Variants in CAMK2D observed in about 807,000 individuals in gnomAD.
The protein encoded by CAMK2D is calcium/calmodulin-dependent protein kinase type II subunit delta.
A neutral mutation model predicts 84.0 loss-of-function variants in CAMK2D; 37 were observed. That is an observed-to-expected ratio of 0.44 (90% CI 0.34 to 0.58). The LOEUF is 0.58. Among genes scored for constraint, CAMK2D ranks in the 20% least tolerant of loss-of-function variants. The pLI is 0.02. For synonymous variants in CAMK2D, 202 were observed against 212.5 expected (o/e 0.95, Z 0.43); for missense variants, 448 against 652.5 (o/e 0.69, Z 3.41).
chr4:113,474,941 C>T (rs1186496183), intron 16 of CAMK2D, among the ~76,000 whole-genome samples: 2 of 152,212 alleles, frequency 1.3e-5, no homozygotes, highest in Non-Finnish European at 2.9e-5. Flanking sequence ...GCCACCGTGC[C>T]TGGCGGAGAG....
At chr4:113,455,879 G>T in intron 19 of CAMK2D, 58 bp from the exon 20 acceptor site, 1 of 1,012,278 alleles carries the variant, frequency 9.9e-7, no homozygotes, top group Non-Finnish European at 1.6e-6. Flanking sequence ...TCTTGAATAG[G>T]CTTCATCCCA....
rs191746113 is a variant in CAMK2D at position 113,492,010 on chromosome 4, C to T, written c.1135+8453G>A. Among the ~76,000 whole-genome samples, 1,493 of 152,024 alleles carry T rather than the reference C, an allele frequency of 9.8e-3. 27 individuals carry two copies. Among genetic ancestry groups the T allele is most frequent in the African/African-American group, 0.033 (1,380 of 41,438 alleles). ...ATATCCCCTTTATCATTTTTTATTG[C>T]GTCTATTTGATTCTTCTCTCTTTTT... On this transcript the variant is annotated intron_variant, in intron 16 of 20. Coordinates refer to ENST00000511664, the MANE Select transcript of CAMK2D (RefSeq NM_001321571.2).
intron 16 of CAMK2D, among the ~76,000 whole-genome samples, chr4:113,499,675 T>A (rs1245784351): frequency 6.6e-6 from 1 of 152,186 alleles, no homozygotes; most frequent in African/African-American, 2.4e-5. Context: ...TATTTCTGTT[T>A]CAAATATCCT....
intron 16 of CAMK2D, among the ~76,000 whole-genome samples, chr4:113,497,981 A>C (rs181970080): frequency 6.6e-6 from 1 of 152,338 alleles, no homozygotes; most frequent in African/African-American, 2.4e-5. Context: ...TGTGTGTGGA[A>C]GACACAGTTT....
At chr4:113,516,144 T>C (rs2098280792) in intron 9 of CAMK2D, among the ~76,000 whole-genome samples, 1 of 152,176 alleles carries the variant, frequency 6.6e-6, no homozygotes, top group African/African-American at 2.4e-5. Flanking sequence ...TTAGTAGTTT[T>C]AAAATGGGGA....
At chr4:113,667,463 G>A (rs1296069998) in intron 2 of CAMK2D, among the ~76,000 whole-genome samples, 1 of 152,174 alleles carries the variant, frequency 6.6e-6, no homozygotes, top group Non-Finnish European at 1.5e-5. Flanking sequence ...ATGGATTCCG[G>A]AGCACTATAA....
chr4:113,640,928 T>G (rs2099130222), intron 3 of CAMK2D, among the ~76,000 whole-genome samples: 1 of 152,228 alleles, frequency 6.6e-6, no homozygotes, highest in Non-Finnish European at 1.5e-5. Context: ...CCTTTCTAAA[T>G]CTTATCCTTT....
intron 3 of CAMK2D, among the ~76,000 whole-genome samples, chr4:113,627,118 T>C (rs547223342): frequency 2.0e-5 from 3 of 152,256 alleles, no homozygotes; most frequent in East Asian, 3.9e-4. Context: ...GACTGTCCTA[T>C]GATGCTCTCT....
intron 7 of CAMK2D, among the ~76,000 whole-genome samples, chr4:113,536,653 T>C (rs894893172): frequency 3.9e-5 from 6 of 152,104 alleles, no homozygotes; most frequent in Non-Finnish European, 2.9e-5. Flanking sequence ...GAGAGGCATA[T>C]GAAAATTAAT....
rs373151889 is a variant in CAMK2D, at chr4:113,713,743, CT to C, written c.160+45576del. Among the ~76,000 whole-genome samples the C allele has an allele frequency of 8.2e-3, 1,247 of 151,456 alleles. 19 individuals are homozygous for C. The highest frequency in any genetic ancestry group is 0.022 in the African/African-American group (917 of 41,428). The stretch of plus-strand genomic sequence containing the variant: ...TCATTTTTTCTATAAGGACTTCTGT[CT>C]TTTTCTTATCAATATGCAGAATTTT... On this transcript the variant is annotated intron_variant, in intron 2 of 20. Coordinates refer to ENST00000511664, the MANE Select transcript of CAMK2D (RefSeq NM_001321571.2).
rs1553997135 is a variant in CAMK2D at position 113,603,774 on chromosome 4, T to TATATATATAC, written c.275+5377_275+5378insGTATATATAT. Among the ~76,000 whole-genome samples the TATATATATAC allele has an allele frequency of 6.9e-4, 7 of 10,076 alleles. 1 individual carries two copies. The highest frequency in any genetic ancestry group is 1.4e-3 in the African/African-American group (7 of 5,076). 6.6% of individuals were successfully genotyped at this position (10,076 alleles called of 152,430 possible). On this transcript the variant is annotated intron_variant, in intron 4 of 20. Transcript: ENST00000511664. ...TCTTTCTATATATTTCTTGCTATTT[T>TATATATATAC]ATATATATATATATATATATATATA...
At chr4:113,502,054 A>G (rs2098055135) in intron 15 of CAMK2D, among the ~76,000 whole-genome samples, 1 of 152,142 alleles carries the variant, frequency 6.6e-6, no homozygotes, top group South Asian at 2.1e-4. Flanking sequence ...AGTCTTAAAC[A>G]TCATTGATAA....
At chr4:113,634,854 G>C (rs1561501911) in intron 3 of CAMK2D, among the ~76,000 whole-genome samples, 1 of 152,148 alleles carries the variant, frequency 6.6e-6, no homozygotes, top group Non-Finnish European at 1.5e-5. Context: ...CTAGAATACA[G>C]AGGTACCAAG....
chr4:113,584,628 G>A (rs1248711045), intron 4 of CAMK2D, among the ~76,000 whole-genome samples: 1 of 152,130 alleles, frequency 6.6e-6, no homozygotes, highest in Non-Finnish European at 1.5e-5. Context: ...CAGTCCGTAA[G>A]TTATTTGGCT....
intron 4 of CAMK2D, among the ~76,000 whole-genome samples, chr4:113,581,709 C>T (rs2098811063): frequency 6.6e-6 from 1 of 151,992 alleles, no homozygotes; most frequent in Non-Finnish European, 1.5e-5. Flanking sequence ...CCTTCTACTC[C>T]TTCTACTTTA....
At chr4:113,731,699 C>T (rs184531616) in intron 2 of CAMK2D, among the ~76,000 whole-genome samples, 1 of 151,610 alleles carries the variant, frequency 6.6e-6, no homozygotes, top group Non-Finnish European at 1.5e-5. Flanking sequence ...GATTCCCCTG[C>T]CTCAGCCTCC....
intron 2 of CAMK2D, among the ~76,000 whole-genome samples, chr4:113,706,568 C>T (rs1452024741): frequency 6.6e-6 from 1 of 152,120 alleles, no homozygotes; most frequent in Admixed American, 6.5e-5. Context: ...GGAAATGTGG[C>T]TCACTATTTT....
intron 2 of CAMK2D, among the ~76,000 whole-genome samples, chr4:113,725,436 T>A (rs569742578): frequency 6.6e-6 from 1 of 152,152 alleles, no homozygotes; most frequent in Non-Finnish European, 1.5e-5. Context: ...ATATAAAATA[T>A]ACTTTAAAAA....
intron 3 of CAMK2D, among the ~76,000 whole-genome samples, chr4:113,631,561 G>T (rs1181295885): frequency 1.3e-5 from 2 of 152,024 alleles, no homozygotes; most frequent in African/African-American, 4.8e-5. Context: ...GGAACACATC[G>T]GCTCCTCTCT....
Sources: allele counts gnomAD v4.1 joint callset (sites outside exome capture counted in the v4.1 genomes callset), GRCh38; gene constraint gnomAD v4.1.1; transcripts MANE v1.5; gene names NCBI Gene and HGNC (gene_info 2026-07-23, HGNC 2026-07-21).